The following CNTNAP2 variants were observed in gnomAD, a reference collection of about 807,000 sequenced individuals.
The protein encoded by CNTNAP2 is contactin-associated protein-like 2.
Under a neutral mutation model 155.2 loss-of-function variants are expected in CNTNAP2, and 98 were observed. That is an observed-to-expected ratio of 0.63 (90% CI 0.54 to 0.75). CNTNAP2 has a LOEUF of 0.75. Among genes scored for constraint, CNTNAP2 ranks in the 30% least tolerant of loss-of-function variants. The probability of loss-of-function intolerance (pLI) is 0.00; values close to 1 mark genes in which losing one functional copy is unlikely to be tolerated. For synonymous variants in CNTNAP2, 651 were observed against 631.2 expected, an observed-to-expected ratio of 1.03 and a Z score of -0.47; for missense variants, 1,727 against 1,688.1, an observed-to-expected ratio of 1.02 and a Z score of -0.40.
At chr7:148,069,756 T>C (rs1803346678) in intron 15 of CNTNAP2, among the ~76,000 whole-genome samples, 1 of 131,016 alleles carries the variant, frequency 7.6e-6, no homozygotes, top group Admixed American at 7.8e-5. Context: ...AAAGACTCCG[T>C]CTCAAAAAAA....
chr7:146,631,322 A>T (rs1341314153), intron 1 of CNTNAP2, among the ~76,000 whole-genome samples: 1 of 152,186 alleles, frequency 6.6e-6, no homozygotes, highest in Non-Finnish European at 1.5e-5. Context: ...CATTGAAATA[A>T]TTTAAAGAGG....
chr7:148,135,917 A>C (rs530167383), intron 16 of CNTNAP2, among the ~76,000 whole-genome samples: 1 of 131,006 alleles, frequency 7.6e-6, no homozygotes, highest in Admixed American at 7.8e-5. Flanking sequence ...GGGAGGAAAC[A>C]AGGAAACCAC....
intron 13 of CNTNAP2, among the ~76,000 whole-genome samples, chr7:147,703,355 G>C (rs2117006910): frequency 6.6e-6 from 1 of 152,286 alleles, no homozygotes; most frequent in South Asian, 2.1e-4. Context: ...AAGTGGTCAA[G>C]TGAGGAGCCA....
intron 9 of CNTNAP2, among the ~76,000 whole-genome samples, chr7:147,359,524 G>C (rs1311588800): frequency 6.6e-6 from 1 of 151,824 alleles, no homozygotes; most frequent in Non-Finnish European, 1.5e-5. Context: ...TACTAAAGAA[G>C]TCACATCCTT....
chr7:146,130,394 C>G (rs1245995710), intron 1 of CNTNAP2, among the ~76,000 whole-genome samples: 3 of 152,068 alleles, frequency 2.0e-5, no homozygotes, highest in Non-Finnish European at 2.9e-5. Flanking sequence ...TGCGTGAGCC[C>G]CGGAGTTCAA....
At chr7:148,331,729 TGGATGGAGTGGATGGATGGAAC>T (rs1798024152) in intron 21 of CNTNAP2, among the ~76,000 whole-genome samples, 1 of 21,992 alleles carries the variant, frequency 4.5e-5, no homozygotes, top group South Asian at 9.4e-4. Context: ...ATGGATTGGA[TGGATGGAGTGGATGGATGGAAC>T]GGACGGATGG....
At chr7:148,314,865 T>C (rs1202886190) in intron 21 of CNTNAP2, among the ~76,000 whole-genome samples, 2 of 152,206 alleles carry the variant, frequency 1.3e-5, no homozygotes, top group Admixed American at 1.3e-4. Flanking sequence ...GAAGACTGTC[T>C]TCCCCAGTCC....
intron 11 of CNTNAP2, among the ~76,000 whole-genome samples, chr7:147,522,372 T>C (rs1799243303): frequency 6.6e-6 from 1 of 152,208 alleles, no homozygotes; most frequent in Non-Finnish European, 1.5e-5. Flanking sequence ...CCACCAATAT[T>C]TTCAATAAAT....
At chr7:146,861,029 C>T (rs368066195) in intron 3 of CNTNAP2, among the ~76,000 whole-genome samples, 8 of 151,836 alleles carry the variant, frequency 5.3e-5, no homozygotes, top group Non-Finnish European at 7.4e-5. Context: ...TATGGATTTC[C>T]GTTTTAATTT....
At chr7:148,268,988 A>C (rs1796725514) in intron 21 of CNTNAP2, among the ~76,000 whole-genome samples, 1 of 152,110 alleles carries the variant, frequency 6.6e-6, no homozygotes, top group African/African-American at 2.4e-5. Context: ...ATAAATGCTG[A>C]GGCTGTCCAG....
chr7:147,960,458 A>G (rs1801097162), intron 14 of CNTNAP2, among the ~76,000 whole-genome samples: 1 of 152,192 alleles, frequency 6.6e-6, no homozygotes, highest in Non-Finnish European at 1.5e-5. Context: ...GGTATATTCA[A>G]TTATAACACA....
At chr7:146,880,264 C>G (rs536008325) in intron 3 of CNTNAP2, among the ~76,000 whole-genome samples, 15 of 152,018 alleles carry the variant, frequency 9.9e-5, no homozygotes, top group East Asian at 3.9e-4. Context: ...GAAGTTGGAG[C>G]CTTCGTGATG....
chr7:148,217,253 C>T, intron 18 of CNTNAP2, 35 bp from the exon 19 acceptor site: 2 of 1,608,890 alleles, frequency 1.2e-6, no homozygotes, highest in South Asian at 1.1e-5. Flanking sequence ...TCAGACCTCT[C>T]CTCATTTTTC....
At chr7:146,716,862 G>A (rs964651593) in intron 1 of CNTNAP2, among the ~76,000 whole-genome samples, 1 of 152,168 alleles carries the variant, frequency 6.6e-6, no homozygotes, top group African/African-American at 2.4e-5. Context: ...GCTAGACAAG[G>A]TCATACCTCT....
At chr7:146,902,735 G>A (rs1006471493) in intron 3 of CNTNAP2, among the ~76,000 whole-genome samples, 10 of 152,110 alleles carry the variant, frequency 6.6e-5, no homozygotes, top group Non-Finnish European at 1.0e-4. Flanking sequence ...TAAATGTTCC[G>A]TCTCATGAGC....
At chr7:147,425,010 C>G (rs562687953) in intron 10 of CNTNAP2, among the ~76,000 whole-genome samples, 1 of 152,238 alleles carries the variant, frequency 6.6e-6, no homozygotes, top group East Asian at 1.9e-4. Context: ...AGTTGATCTT[C>G]CTGCTTTCAC....
chr7:147,668,164 A>G (rs1178232837), intron 13 of CNTNAP2, among the ~76,000 whole-genome samples: 1 of 151,916 alleles, frequency 6.6e-6, no homozygotes, highest in Non-Finnish European at 1.5e-5. Flanking sequence ...AGGAAACTGC[A>G]GGAGAAGAAA....
chr7:146,556,719 C>T (rs796310698), intron 1 of CNTNAP2, among the ~76,000 whole-genome samples: 1 of 152,074 alleles, frequency 6.6e-6, no homozygotes, highest in Non-Finnish European at 1.5e-5. Flanking sequence ...AGAATGGCTG[C>T]CATGGTTTAT....
chr7:146,591,296 G>T (rs1352107214), intron 1 of CNTNAP2, among the ~76,000 whole-genome samples: 1 of 152,118 alleles, frequency 6.6e-6, no homozygotes, highest in Admixed American at 6.6e-5. Context: ...TCGGATGAGG[G>T]ATACTCAGCC....
Sources: allele counts gnomAD v4.1 joint callset (sites outside exome capture counted in the v4.1 genomes callset), GRCh38; gene constraint gnomAD v4.1.1; transcripts MANE v1.5; gene names NCBI Gene and HGNC (gene_info 2026-07-23, HGNC 2026-07-21).